UBE3B: variants seen among roughly 807,000 people sequenced by gnomAD.
UBE3B encodes ubiquitin-protein ligase E3B.
A neutral mutation model predicts 132.3 loss-of-function variants in UBE3B; 80 were observed. That is an observed-to-expected ratio of 0.60 (90% CI 0.50 to 0.73). UBE3B has a LOEUF of 0.73. Ranked by LOEUF, UBE3B falls within the 30% of genes least tolerant of loss-of-function variation. The pLI, the probability that UBE3B is intolerant of heterozygous loss-of-function variation, is 0.00. For synonymous variants in UBE3B, 487 were observed against 520.4 expected, an observed-to-expected ratio of 0.94 and a Z score of 0.87; for missense variants, 1,196 against 1,362.5, an observed-to-expected ratio of 0.88 and a Z score of 1.92.
chr12:109,490,037 C>T, intron 8 of UBE3B, 33 bp downstream of exon 8: 1 of 1,592,618 alleles, frequency 6.3e-7, no homozygotes, highest in Non-Finnish European at 8.6e-7. Flanking sequence ...TGTGCAACTT[C>T]TCCACTCTCC....
chr12:109,490,540 C>A (rs1469798552), intron 8 of UBE3B: 1 of 1,535,928 alleles, frequency 6.5e-7, no homozygotes, highest in Middle Eastern at 1.7e-4. Context: ...CTCACAACAA[C>A]CCTGTGAGGT....
chr12:109,497,356 G>A (rs1360594385), intron 9 of UBE3B, among the ~76,000 whole-genome samples: 1 of 151,804 alleles, frequency 6.6e-6, no homozygotes, highest in Non-Finnish European at 1.5e-5. Context: ...TGTATCTATA[G>A]TGTATATATA....
intron 26 of UBE3B, among the ~76,000 whole-genome samples, chr12:109,531,619 A>C (rs1318859720): frequency 6.6e-6 from 1 of 152,166 alleles, no homozygotes. Context: ...CTGGGTGGTC[A>C]TTCTGAGGAG....
intron 14 of UBE3B, among the ~76,000 whole-genome samples, chr12:109,505,559 A>C (rs1424351104): frequency 6.6e-6 from 1 of 152,228 alleles, no homozygotes; most frequent in Non-Finnish European, 1.5e-5. Flanking sequence ...AGAGTTCCAC[A>C]TTCTTGGGTG....
rs1878988287 is a variant in UBE3B, at chr12:109,501,506, A to G, written c.1254A>G (p.Ala418=). 6.2e-7 allele frequency: 1 copy of G among 1,614,002 alleles called. No homozygotes were observed. The highest frequency in any genetic ancestry group is 1.1e-5 in the South Asian group (1 of 91,072). The change falls in exon 13 of 28, where the codon GCA becomes GCG. Residue 418 remains alanine, a synonymous_variant. Coordinates refer to ENST00000342494, the MANE Select transcript of UBE3B (RefSeq NM_130466.4). ...ESQEPAHAQP[A]SPQNVLPVKS... is the part of the protein sequence containing the mutation. The stretch of plus-strand genomic sequence containing the variant: ...AGGAGCCAGCCCACGCACAGCCAGC[A>G]TCCCCTCAGAATGTGCTCCCAGTGA...
chr12:109,494,515 G>GC (rs1443412769), intron 9 of UBE3B, among the ~76,000 whole-genome samples: 1 of 152,230 alleles, frequency 6.6e-6, no homozygotes, highest in East Asian at 1.9e-4. Flanking sequence ...CAGGGACTGT[G>GC]CATCAGTCAT....
At chr12:109,520,924 TCCCC>T in intron 19 of UBE3B, 1 of 486,532 alleles carries the variant, frequency 2.1e-6, no homozygotes, top group Admixed American at 3.3e-5. Flanking sequence ...GAGGTCAGTC[TCCCC>T]TTGCCAAGGA....
intron 1 of UBE3B, among the ~76,000 whole-genome samples, chr12:109,480,802 G>A (rs1490243354): frequency 2.6e-5 from 4 of 152,050 alleles, no homozygotes; most frequent in Non-Finnish European, 4.4e-5. Context: ...AGAAAATACA[G>A]ACCAATTAAG....
chr12:109,511,643 A>G (rs73196280), intron 18 of UBE3B, among the ~76,000 whole-genome samples: 8,140 of 152,236 alleles, frequency 0.053, 303 homozygotes, highest in Non-Finnish European at 0.082. Context: ...TGGAGAGTCA[A>G]ATGTGCAGTG....
Position 109,481,740 on chromosome 12 carries a change from C to T in UBE3B, c.-24C>T, listed in dbSNP as rs1875475259. 6.6e-6 allele frequency: 1 copy of T among 152,238 alleles called. No homozygotes were observed. The highest frequency in any genetic ancestry group is 1.5e-5 in the Non-Finnish European group (1 of 68,042). 9.4% of individuals were successfully genotyped at this position (152,238 alleles called of 1,614,324 possible). A position where few individuals can be genotyped will look rare whatever the true frequency, so the allele number is the denominator to read the frequency against. On this transcript the variant is annotated splice_region_variant and 5_prime_UTR_variant, in exon 2 of 28. Coordinates refer to ENST00000342494, the MANE Select transcript of UBE3B (RefSeq NM_130466.4). ...CATTTCTGCGACACAGGCAGGTCCT[C>T]AGGTGAGATCTCCAGACTTTACTGC...
intron 6 of UBE3B, among the ~76,000 whole-genome samples, chr12:109,487,539 T>G (rs1431957723): frequency 6.6e-6 from 1 of 152,148 alleles, no homozygotes; most frequent in Non-Finnish European, 1.5e-5. Flanking sequence ...GTTTCCACAC[T>G]ATGTTCCTCG....
intron 13 of UBE3B, among the ~76,000 whole-genome samples, chr12:109,502,135 C>CTGTGGCT (rs2135930599): frequency 6.6e-6 from 1 of 152,306 alleles, no homozygotes; most frequent in African/African-American, 2.4e-5. Flanking sequence ...ATTAGGGCCA[C>CTGTGGCT]TGTGGCTACC....
At chr12:109,518,755 T>G (rs1881359048) in intron 19 of UBE3B, among the ~76,000 whole-genome samples, 1 of 152,258 alleles carries the variant, frequency 6.6e-6, no homozygotes, top group African/African-American at 2.4e-5. Context: ...GCCCTACTTT[T>G]TAAAGCATAT....
chr12:109,532,164 C>A (rs1042514148), intron 26 of UBE3B, among the ~76,000 whole-genome samples: 2 of 152,154 alleles, frequency 1.3e-5, no homozygotes, highest in Non-Finnish European at 2.9e-5. Context: ...AGACCTGAGC[C>A]GGCCTAAATT....
At chr12:109,528,399 G>A (rs1246198243) in intron 24 of UBE3B, 34 of 985,196 alleles carry the variant, frequency 3.5e-5, no homozygotes, top group Non-Finnish European at 3.9e-5. Context: ...AATCGTATTT[G>A]TATGTATTAA....
At chr12:109,497,722 A>G in intron 9 of UBE3B, 96 bp from the exon 10 acceptor site, 1 of 1,264,172 alleles carries the variant, frequency 7.9e-7, no homozygotes, top group Non-Finnish European at 1.1e-6. Context: ...CCCACGCAGA[A>G]TAATTTCTAG....
intron 14 of UBE3B, among the ~76,000 whole-genome samples, chr12:109,504,391 G>T (rs1197793109): frequency 1.3e-5 from 2 of 152,248 alleles, no homozygotes; most frequent in African/African-American, 4.8e-5. Context: ...AAGGCAGGAG[G>T]ATTTAGATTT....
chr12:109,488,916 T>C (rs754419254), intron 7 of UBE3B, among the ~76,000 whole-genome samples: 19 of 152,248 alleles, frequency 1.2e-4, no homozygotes, highest in Non-Finnish European at 2.4e-4. Flanking sequence ...CTGATTTTAA[T>C]TTTTATAGTT....
At chr12:109,528,925 G>C (rs898717898) in intron 24 of UBE3B, among the ~76,000 whole-genome samples, 1 of 152,034 alleles carries the variant, frequency 6.6e-6, no homozygotes, top group Non-Finnish European at 1.5e-5. Context: ...TTGGGAGGCC[G>C]AGACGGGCAG....
Sources: gnomAD v4.1 joint callset for allele counts (sites outside exome capture counted in the v4.1 genomes callset) on GRCh38, gnomAD v4.1.1 for gene constraint, MANE v1.5 for transcripts, NCBI Gene and HGNC (gene_info 2026-07-23, HGNC 2026-07-21) for gene names.